BRINP1: variants seen among roughly 807,000 people sequenced by gnomAD.
BRINP1 encodes BMP/retinoic acid-inducible neural-specific protein 1.
Under a neutral mutation model 72.9 loss-of-function variants are expected in BRINP1, and 17 were observed. The observed-to-expected ratio is 0.23, with a 90% CI of 0.16 to 0.35. The LOEUF (loss-of-function observed/expected upper bound fraction) is 0.35. Ranked by LOEUF, BRINP1 falls within the 10% of genes least tolerant of loss-of-function variation. The pLI is 1.00. For synonymous variants in BRINP1, 418 were observed against 378.5 expected, an observed-to-expected ratio of 1.10 and a Z score of -1.21; for missense variants, 850 against 1,001.6, an observed-to-expected ratio of 0.85 and a Z score of 2.04.
At chr9:119,302,867 T>A (rs1830953131) in intron 2 of BRINP1, among the ~76,000 whole-genome samples, 1 of 151,572 alleles carries the variant, frequency 6.6e-6, no homozygotes, top group Non-Finnish European at 1.5e-5. Context: ...ATACTAGGGG[T>A]CGATTTGGCT....
intron 2 of BRINP1, among the ~76,000 whole-genome samples, chr9:119,294,976 A>G (rs1830860068): frequency 6.6e-6 from 1 of 151,308 alleles, no homozygotes; most frequent in Non-Finnish European, 1.5e-5. Flanking sequence ...ATCTCTATCA[A>G]ATTTTGCATT....
In BRINP1 at chr9:119,269,682, C is replaced by T. The variant is rs185838708; in HGVS notation, c.219-20532G>A. Among the ~76,000 whole-genome samples the T allele has an allele frequency of 3.3e-5, 5 of 152,278 alleles. No individual in the cohort carries two copies. The East Asian group carries it at 7.7e-4, about 23-fold the overall frequency. On this transcript the variant is annotated intron_variant, in intron 2 of 7. Coordinates refer to ENST00000265922, the MANE Select transcript of BRINP1 (RefSeq NM_014618.3). Reference sequence around the variant, plus strand: ...AACTGAACCTCCACAGGTGACATGACTTGAACAAGGTAACAGAGCCAAAAA... The same window carrying T: ...AACTGAACCTCCACAGGTGACATGATTTGAACAAGGTAACAGAGCCAAAAA...
chr9:119,358,851 A>C (rs897053382), intron 1 of BRINP1, among the ~76,000 whole-genome samples: 3 of 152,210 alleles, frequency 2.0e-5, no homozygotes, highest in African/African-American at 7.2e-5. Context: ...ATCTGCCTCT[A>C]TCATTTTGCG....
intron 1 of BRINP1, among the ~76,000 whole-genome samples, chr9:119,352,327 A>AT (rs1217773460): frequency 3.9e-5 from 6 of 152,136 alleles, no homozygotes; most frequent in Admixed American, 6.5e-5. Flanking sequence ...CTACATATGT[A>AT]TTTTTTTTGA....
chr9:119,303,425 G>A (rs149108874), intron 2 of BRINP1, among the ~76,000 whole-genome samples: 280 of 152,152 alleles, frequency 1.8e-3, no homozygotes, highest in African/African-American at 6.5e-3. Flanking sequence ...AAGACAACCT[G>A]GCGAGCACGG....
intron 5 of BRINP1, among the ~76,000 whole-genome samples, chr9:119,216,288 A>C (rs1829974293): frequency 6.6e-6 from 1 of 152,194 alleles, no homozygotes; most frequent in African/African-American, 2.4e-5. Flanking sequence ...CTGTTGAGAA[A>C]GGTGTATATG....
intron 7 of BRINP1, among the ~76,000 whole-genome samples, chr9:119,184,252 C>T (rs887095998): frequency 2.6e-5 from 4 of 152,106 alleles, no homozygotes; most frequent in South Asian, 2.1e-4. Context: ...AAATACACCC[C>T]GGACAGCACT....
At chr9:119,209,483 G>A (rs1043911712) in intron 6 of BRINP1, among the ~76,000 whole-genome samples, 8 of 151,794 alleles carry the variant, frequency 5.3e-5, no homozygotes, top group Non-Finnish European at 8.8e-5. Context: ...CAGGAGAATC[G>A]CTTGAACCCG....
chr9:119,234,516 A>AT (rs1830175976), intron 5 of BRINP1, among the ~76,000 whole-genome samples: 1 of 152,070 alleles, frequency 6.6e-6, no homozygotes, highest in African/African-American at 2.4e-5. Flanking sequence ...TATATTCTGT[A>AT]TTCTATAAGT....
At chr9:119,292,574 CTTCATCT>C (rs954516848) in intron 2 of BRINP1, among the ~76,000 whole-genome samples, 3 of 152,134 alleles carry the variant, frequency 2.0e-5, no homozygotes, top group African/African-American at 7.2e-5. Context: ...AGATAGTGTC[CTTCATCT>C]ATCGCTTAAT....
intron 1 of BRINP1, among the ~76,000 whole-genome samples, chr9:119,367,219 T>TATATATATA (rs1219045184): frequency 1.6e-4 from 9 of 56,506 alleles, no homozygotes; most frequent in East Asian, 4.0e-4. Context: ...GTGTGTGTGA[T>TATATATATA]TGATATATAT....
rs746187505 is a variant in BRINP1, at chr9:119,168,002, C to T, written c.1368G>A (p.Leu456=). ...TCTGTGGTTCACAGCGGCCTCGATA[C>T]AGCTTGTAGCCCTTGTTGCAGGAGC... ...LCGSCNKGYK[L]YRGRCEPQNV... The change falls in exon 8 of 8, where the codon CTG becomes CTA. Residue 456 remains leucine (L), a synonymous_variant. Transcript: ENST00000265922. The T allele has an allele frequency of 2.5e-6, 4 of 1,614,134 alleles. No individual in the cohort carries two copies. In the South Asian group the frequency reaches 3.3e-5, roughly 13 times the overall value.
At chr9:119,305,656 C>T (rs1179414588) in intron 2 of BRINP1, among the ~76,000 whole-genome samples, 1 of 152,166 alleles carries the variant, frequency 6.6e-6, no homozygotes, top group African/African-American at 2.4e-5. Flanking sequence ...TCCAAACATG[C>T]CTCTTCCTCC....
chr9:119,226,687 G>A lies in BRINP1; in HGVS notation c.685+11968C>T, dbSNP rs543335782. Among the ~76,000 whole-genome samples, 16 of 151,936 alleles carry A rather than the reference G, an allele frequency of 1.1e-4. 1 individual carries two copies. The East Asian group carries it at 1.2e-3, about 11-fold the overall frequency. ...TCTAGGGTTTTTTTTTGTCTTCTCC[G>A]GTTATAGATCCATTTCAGAATATGA... On this transcript the variant is annotated intron_variant, in intron 5 of 7. Coordinates refer to ENST00000265922, the MANE Select transcript of BRINP1 (RefSeq NM_014618.3).
chr9:119,242,154 T>C lies in BRINP1; in HGVS notation c.472A>G (p.Thr158Ala). ...SRLDRKSGNA[T>A]QSVEALHQLA... ...TGGTGCAGAGCTTCAACACTTTGAG[T>C]GGCATTCCCTGACTTCCTGTCGAGG... is the stretch of plus-strand genomic sequence containing the variant. Residue 158 changes from threonine (T) to alanine (A), a missense_variant, in exon 4 of 8, where the codon ACT becomes GCT. Transcript: ENST00000265922. 1 of 1,614,076 alleles carries C rather than the reference T, an allele frequency of 6.2e-7. No individual in the cohort carries two copies.
intron 2 of BRINP1, among the ~76,000 whole-genome samples, chr9:119,308,979 A>AAG (rs2118990819): frequency 6.6e-6 from 1 of 152,148 alleles, no homozygotes; most frequent in African/African-American, 2.4e-5. Context: ...TTAGGAAAAA[A>AAG]AAAAACAGAA....
At chr9:119,248,831 TA>T in intron 3 of BRINP1, 128 bp downstream of exon 3, 1 of 808,750 alleles carries the variant, frequency 1.2e-6, no homozygotes. Flanking sequence ...TACCTGGCTA[TA>T]AATGCTTTTG....
intron 7 of BRINP1, among the ~76,000 whole-genome samples, chr9:119,174,132 A>C (rs1187887938): frequency 4.7e-5 from 7 of 149,010 alleles, no homozygotes; most frequent in Non-Finnish European, 1.0e-4. Context: ...TAATTAAACT[A>C]AAGAGCTTCT....
At chr9:119,268,171 A>G (rs1830567588) in intron 2 of BRINP1, among the ~76,000 whole-genome samples, 1 of 152,084 alleles carries the variant, frequency 6.6e-6, no homozygotes, top group Non-Finnish European at 1.5e-5. Context: ...TGTACCCGGA[A>G]GGTGGTGGTT....
Sources: gnomAD v4.1 joint callset for allele counts (sites outside exome capture counted in the v4.1 genomes callset) on GRCh38, gnomAD v4.1.1 for gene constraint, MANE v1.5 for transcripts, NCBI Gene and HGNC (gene_info 2026-07-23, HGNC 2026-07-21) for gene names.